GNA14: variants seen among roughly 807,000 people sequenced by gnomAD.
GNA14 encodes the protein G protein subunit alpha 14.
A neutral mutation model predicts 42.0 loss-of-function variants in GNA14; 50 were observed. The ratio of observed to expected loss-of-function variants is 1.19; its 90% CI spans 0.95 to 1.51. The LOEUF (loss-of-function observed/expected upper bound fraction) is 1.51, where lower values mean the gene tolerates loss of function less well. Among genes scored for constraint, GNA14 ranks in the 40% most tolerant of loss-of-function variants. The pLI, the probability that GNA14 is intolerant of heterozygous loss-of-function variation, is 0.00. For synonymous variants in GNA14, 173 were observed against 163.1 expected, an observed-to-expected ratio of 1.06 and a Z score of -0.46; for missense variants, 473 against 446.2, an observed-to-expected ratio of 1.06 and a Z score of -0.54.
chr9:77,493,617 T>C (rs1453010875), intron 2 of GNA14, among the ~76,000 whole-genome samples: 1 of 152,220 alleles, frequency 6.6e-6, no homozygotes, highest in Non-Finnish European at 1.5e-5. Context: ...CATATCAAAT[T>C]ATGTTGAATA....
intron 2 of GNA14, among the ~76,000 whole-genome samples, chr9:77,472,790 C>CTCTCT (rs558457179): frequency 7.0e-6 from 1 of 142,872 alleles, no homozygotes; most frequent in African/African-American, 2.8e-5. Context: ...ATGACATGAT[C>CTCTCT]TCTCTCTCTC....
At chr9:77,601,276 T>C (rs767919597) in intron 1 of GNA14, among the ~76,000 whole-genome samples, 2 of 152,220 alleles carry the variant, frequency 1.3e-5, no homozygotes, top group Non-Finnish European at 2.9e-5. Flanking sequence ...TTCCTGGTCG[T>C]GACACAAAAA....
intron 1 of GNA14, among the ~76,000 whole-genome samples, chr9:77,587,788 T>G (rs752309801): frequency 4.6e-5 from 7 of 152,192 alleles, no homozygotes; most frequent in Non-Finnish European, 1.0e-4. Context: ...TTCAGTGAAT[T>G]TCACTGCAAT....
rs566968438 is a variant in GNA14, at chr9:77,428,370, T to C, written c.723+537A>G. Among the ~76,000 whole-genome samples, 32 of 152,074 alleles carry C rather than the reference T, an allele frequency of 2.1e-4. No homozygotes were observed. In the East Asian group the frequency reaches 6.0e-3, roughly 29 times the overall value. On this transcript the variant is annotated intron_variant, in intron 5 of 6. Transcript: ENST00000341700. ...CTGGGATTACAGGCGTGAGCCACCG[T>C]GCCCAGCCAAGAGATGGCATTTTTA...
chr9:77,593,119 A>G (rs1377287784), intron 1 of GNA14, among the ~76,000 whole-genome samples: 3 of 152,178 alleles, frequency 2.0e-5, no homozygotes, highest in Non-Finnish European at 4.4e-5. Context: ...TCCTAGATTC[A>G]TATGCAGGAA....
intron 1 of GNA14, among the ~76,000 whole-genome samples, chr9:77,618,764 C>G (rs10115451): frequency 0.27 from 36,733 of 137,384 alleles, 5,810 homozygotes; most frequent in African/African-American, 0.5. Context: ...CTCCCAAGTA[C>G]CTGGGACTAC....
At chr9:77,634,146 G>A (rs903241332) in intron 1 of GNA14, among the ~76,000 whole-genome samples, 3 of 152,082 alleles carry the variant, frequency 2.0e-5, no homozygotes, top group South Asian at 4.1e-4. Context: ...CAAGAAAATG[G>A]GCTGGTTCAT....
intron 2 of GNA14, among the ~76,000 whole-genome samples, chr9:77,487,631 G>A (rs918148517): frequency 3.9e-5 from 6 of 152,186 alleles, no homozygotes; most frequent in Non-Finnish European, 8.8e-5. Flanking sequence ...AGGCACTACT[G>A]AGTCCTAACC....
At chr9:77,578,366 G>A (rs991997197) in intron 1 of GNA14, among the ~76,000 whole-genome samples, 1 of 152,192 alleles carries the variant, frequency 6.6e-6, no homozygotes, top group African/African-American at 2.4e-5. Flanking sequence ...GTGGCCCTGT[G>A]ATTTCAGTCT....
At chr9:77,492,602 G>A (rs954564837) in intron 2 of GNA14, among the ~76,000 whole-genome samples, 2 of 152,042 alleles carry the variant, frequency 1.3e-5, no homozygotes, top group African/African-American at 4.8e-5. Context: ...AACCTACCAA[G>A]AATGAAATAC....
chr9:77,503,984 A>G (rs1221378322), intron 2 of GNA14, among the ~76,000 whole-genome samples: 3 of 152,166 alleles, frequency 2.0e-5, no homozygotes, highest in Admixed American at 1.3e-4. Flanking sequence ...CCTGACCCCA[A>G]ATTTCAGGAT....
At chr9:77,445,379 A>G (rs1264236095) in intron 2 of GNA14, among the ~76,000 whole-genome samples, 1 of 151,918 alleles carries the variant, frequency 6.6e-6, no homozygotes, top group Non-Finnish European at 1.5e-5. Flanking sequence ...CCCTCCAAAC[A>G]AGGAATGCGT....
Position 77,423,684 on chromosome 9 carries a change from C to G in GNA14, c.*295G>C, listed in dbSNP as rs1169871690. The stretch of plus-strand genomic sequence containing the variant: ...TTTTTAAACATATTTAAAACTAAAT[C>G]AAAGTGGCTTTTAAAAATTCTAGAA... On this transcript the variant is annotated 3_prime_UTR_variant, in exon 7 of 7. Coordinates refer to ENST00000341700, the MANE Select transcript of GNA14 (RefSeq NM_004297.4). 5.1e-6 allele frequency: 1 copy of G among 195,740 alleles called. No individual in the cohort carries two copies. The highest frequency in any genetic ancestry group is 1.2e-4 in the East Asian group (1 of 8,448). The allele number at this position is 195,740 out of a possible 1,614,324, so 12.1% of individuals were successfully genotyped here.
In GNA14 at chr9:77,567,786, G is replaced by A. The variant is rs554650616; in HGVS notation, c.125-38533C>T. The stretch of plus-strand genomic sequence containing the variant: ...GGAGGCTGAGACAGGAGAATCGCTT[G>A]AGCCCAGGAGGCGGAGGTTGCAGTG... On this transcript the variant is annotated intron_variant, in intron 1 of 6. Transcript: ENST00000341700. 3.3e-5 allele frequency among the ~76,000 whole-genome samples: 5 copies of A among 152,312 alleles called. No individual in the cohort carries two copies. In the South Asian group the frequency reaches 6.2e-4, roughly 19 times the overall value.
chr9:77,554,869 T>A (rs1288745689), intron 1 of GNA14, among the ~76,000 whole-genome samples: 2 of 152,228 alleles, frequency 1.3e-5, no homozygotes, highest in Non-Finnish European at 1.5e-5. Context: ...GAGTTTTCTT[T>A]TTTTAAATGC....
intron 1 of GNA14, among the ~76,000 whole-genome samples, chr9:77,551,943 C>T (rs891059106): frequency 4.0e-5 from 6 of 151,616 alleles, no homozygotes; most frequent in Non-Finnish European, 8.8e-5. Context: ...AGTTCGAGAC[C>T]AGCCTGGCCA....
At chr9:77,499,558 T>C (rs2131742143) in intron 2 of GNA14, among the ~76,000 whole-genome samples, 1 of 152,198 alleles carries the variant, frequency 6.6e-6, no homozygotes, top group African/African-American at 2.4e-5. Flanking sequence ...TATATAAACA[T>C]TTAAAAGAAT....
intron 2 of GNA14, among the ~76,000 whole-genome samples, chr9:77,487,437 T>C (rs1259579041): frequency 2.0e-5 from 3 of 152,230 alleles, no homozygotes; most frequent in Non-Finnish European, 2.9e-5. Context: ...AACTAGTCAA[T>C]TGACATTTTG....
At chr9:77,520,741 A>T (rs1837343884) in intron 2 of GNA14, among the ~76,000 whole-genome samples, 1 of 152,160 alleles carries the variant, frequency 6.6e-6, no homozygotes. Flanking sequence ...TGTTGGACGG[A>T]TGCATAAGTG....
Sources: gnomAD v4.1 joint callset for allele counts (sites outside exome capture counted in the v4.1 genomes callset) on GRCh38, gnomAD v4.1.1 for gene constraint, MANE v1.5 for transcripts, NCBI Gene and HGNC (gene_info 2026-07-23, HGNC 2026-07-21) for gene names.